LIN52: variants seen among roughly 807,000 people sequenced by gnomAD.
LIN52 encodes the protein protein lin-52 homolog.
In LIN52, 4 loss-of-function variants were observed where a neutral mutation model predicts 18.5. The observed-to-expected ratio is 0.22, with a 90% CI of 0.11 to 0.49. The LOEUF is 0.49. Among genes scored for constraint, LIN52 ranks in the 20% least tolerant of loss-of-function variants. The probability of loss-of-function intolerance (pLI) is 0.97; values close to 1 mark genes in which losing one functional copy is unlikely to be tolerated. For synonymous variants in LIN52, 34 were observed against 45.5 expected (o/e 0.75, Z 1.02); for missense variants, 102 against 139.5 (o/e 0.73, Z 1.35).
rs1204755926 is a variant in LIN52, at chr14:74,200,959, C to T, written c.*1982C>T. The T allele has an allele frequency of 6.6e-6, 1 of 152,238 alleles. No homozygotes were observed. Among genetic ancestry groups the T allele is most frequent in the Non-Finnish European group, 1.5e-5 (1 of 68,050 alleles). 9.4% of individuals were successfully genotyped at this position (152,238 alleles called of 1,614,324 possible). On this transcript the variant is annotated 3_prime_UTR_variant, in exon 6 of 6. Coordinates refer to ENST00000555028, the MANE Select transcript of LIN52 (RefSeq NM_001024674.3). ...ATACCTCCCCCAAACCAACTCAAGTCTGTAACTGGAAGCCAGGTGGTTGGT... is the reference window on the plus strand; with the variant it reads ...ATACCTCCCCCAAACCAACTCAAGTTTGTAACTGGAAGCCAGGTGGTTGGT...
Position 74,103,210 on chromosome 14 carries a change from C to T in LIN52, c.283+1972C>T, listed in dbSNP as rs200525136. 6.6e-5 allele frequency among the ~76,000 whole-genome samples: 10 copies of T among 152,000 alleles called. No homozygotes were observed. The East Asian group carries it at 1.2e-3, about 18-fold the overall frequency. ...TTTCCTCCCTCAGCCTCCTAAGTAGCGGGGACTACAGGCATGCACCATGAT... is the reference window on the plus strand; with the variant it reads ...TTTCCTCCCTCAGCCTCCTAAGTAGTGGGGACTACAGGCATGCACCATGAT... On this transcript the variant is annotated intron_variant, in intron 5 of 5. Transcript: ENST00000555028.
At chr14:74,169,087 T>G (rs540823502) in intron 5 of LIN52, among the ~76,000 whole-genome samples, 180 of 152,254 alleles carry the variant, frequency 1.2e-3, no homozygotes, top group African/African-American at 3.9e-3. Flanking sequence ...GAGAAAGGAA[T>G]GTTAAAATTT....
intron 1 of LIN52, chr14:74,085,749 CTGCTTTAGAGAGTTAGGGTCT>C (rs1223671363): frequency 1.3e-5 from 2 of 152,170 alleles, no homozygotes; most frequent in East Asian, 3.8e-4. Flanking sequence ...CCTCTTGGTT[CTGCTTTAGAGAGTTAGGGTCT>C]TGCAGTCATT....
intron 5 of LIN52, among the ~76,000 whole-genome samples, chr14:74,133,689 A>C (rs558938476): frequency 2.0e-5 from 3 of 152,228 alleles, no homozygotes; most frequent in African/African-American, 4.8e-5. Flanking sequence ...ATCAGGGAAC[A>C]AGAAACCTCC....
chr14:74,113,711 G>T (rs1488100419), intron 5 of LIN52, among the ~76,000 whole-genome samples: 2 of 152,154 alleles, frequency 1.3e-5, no homozygotes, highest in Non-Finnish European at 2.9e-5. Context: ...AACTGTGTGT[G>T]TTGTAGATGG....
At chr14:74,138,935 AT>A (rs5809649) in intron 5 of LIN52, among the ~76,000 whole-genome samples, 37,786 of 146,650 alleles carry the variant, frequency 0.26, 4,678 homozygotes, top group Admixed American at 0.28. Context: ...ACAAGGTAGC[AT>A]TTTTTTTTTT....
intron 5 of LIN52, among the ~76,000 whole-genome samples, chr14:74,195,479 G>T (rs2078906293): frequency 6.6e-6 from 1 of 152,170 alleles, no homozygotes; most frequent in South Asian, 2.1e-4. Flanking sequence ...TTCCTGATGG[G>T]AGCTTAAAAA....
chr14:74,164,308 AG>A (rs2061239515), intron 5 of LIN52, among the ~76,000 whole-genome samples: 1 of 139,086 alleles, frequency 7.2e-6, no homozygotes, highest in African/African-American at 2.7e-5. Context: ...CTTTTGAGAC[AG>A]GGTCTCACTC....
At chr14:74,085,637 T>C (rs1307350225) in intron 1 of LIN52, 1 of 152,222 alleles carries the variant, frequency 6.6e-6, no homozygotes, top group Non-Finnish European at 1.5e-5. Flanking sequence ...TACGTGTTGT[T>C]TCTTAAGGCT....
intron 5 of LIN52, among the ~76,000 whole-genome samples, chr14:74,130,295 T>TTTTTTTTTTTTTTTTTTTTTTTTTTTTC (rs1315000657): frequency 2.1e-5 from 3 of 140,276 alleles, no homozygotes; most frequent in Non-Finnish European, 3.1e-5. Context: ...TTTTTTTTTT[T>TTTTTTTTTTTTTTTTTTTTTTTTTTTTC]TGAGACAGTC....
chr14:74,108,517 G>A (rs560173068), intron 5 of LIN52, among the ~76,000 whole-genome samples: 70 of 152,222 alleles, frequency 4.6e-4, no homozygotes, highest in South Asian at 1.2e-3. Context: ...AAGGGTTCCA[G>A]TTTTCTCACA....
intron 5 of LIN52, among the ~76,000 whole-genome samples, chr14:74,190,246 A>G (rs2061357719): frequency 6.6e-6 from 1 of 152,204 alleles, no homozygotes; most frequent in Non-Finnish European, 1.5e-5. Context: ...GATAATCTAG[A>G]AAGTGTGCTC....
chr14:74,119,377 G>A (rs749123399), intron 5 of LIN52, among the ~76,000 whole-genome samples: 2 of 151,982 alleles, frequency 1.3e-5, no homozygotes, highest in Non-Finnish European at 2.9e-5. Context: ...TGTTAGCTAG[G>A]ATGGTCTCGA....
chr14:74,164,664 C>G (rs12882888), intron 5 of LIN52, among the ~76,000 whole-genome samples: 65,838 of 151,890 alleles, frequency 0.43, 15,659 homozygotes, highest in Non-Finnish European at 0.53. Flanking sequence ...CTTCACTCTC[C>G]GGTCAGGAAA....
chr14:74,098,524 A>C (rs1372420434), intron 4 of LIN52, among the ~76,000 whole-genome samples: 2 of 151,296 alleles, frequency 1.3e-5, no homozygotes, highest in Admixed American at 1.3e-4. Context: ...TCAAAAAAAA[A>C]AAAAAGTTAA....
At chr14:74,134,290 C>T in intron 5 of LIN52, among the ~76,000 whole-genome samples, 1 of 152,214 alleles carries the variant, frequency 6.6e-6, no homozygotes, top group Non-Finnish European at 1.5e-5. Context: ...TCCTGTTTTA[C>T]AGGCCTCTCT....
intron 5 of LIN52, among the ~76,000 whole-genome samples, chr14:74,150,338 T>C (rs1212816985): frequency 6.6e-6 from 1 of 152,234 alleles, no homozygotes; most frequent in Non-Finnish European, 1.5e-5. Context: ...GAATACTGTA[T>C]AGCCATGAAA....
At chr14:74,107,826 C>A (rs1245768210) in intron 5 of LIN52, among the ~76,000 whole-genome samples, 1 of 152,052 alleles carries the variant, frequency 6.6e-6, no homozygotes, top group Admixed American at 6.6e-5. Flanking sequence ...ACCTTGGGAC[C>A]CTGATACATT....
At chr14:74,133,794 G>T (rs2061081810) in intron 5 of LIN52, among the ~76,000 whole-genome samples, 1 of 152,340 alleles carries the variant, frequency 6.6e-6, no homozygotes, top group South Asian at 2.1e-4. Flanking sequence ...AGAGATGGCA[G>T]TGGGAGAGGG....
Sources: gnomAD v4.1 joint callset for allele counts (sites outside exome capture counted in the v4.1 genomes callset) on GRCh38, gnomAD v4.1.1 for gene constraint, MANE v1.5 for transcripts, NCBI Gene and HGNC (gene_info 2026-07-23, HGNC 2026-07-21) for gene names.